The following PITPNM2 variants were observed in gnomAD, a reference collection of about 807,000 sequenced individuals.
The protein encoded by PITPNM2 is membrane-associated phosphatidylinositol transfer protein 2.
In PITPNM2, 35 loss-of-function variants were observed where a neutral mutation model predicts 132.2. The observed-to-expected ratio is 0.26, with a 90% CI of 0.20 to 0.35. The LOEUF (loss-of-function observed/expected upper bound fraction) is 0.35, where lower values mean the gene tolerates loss of function less well. Among genes scored for constraint, PITPNM2 ranks in the 10% least tolerant of loss-of-function variants. The pLI is 1.00. For missense variants in PITPNM2, 1,332 were observed against 1,912.0 expected, an observed-to-expected ratio of 0.70 and a Z score of 5.66; for synonymous variants, 738 against 799.2, an observed-to-expected ratio of 0.92 and a Z score of 1.29.
At chr12:123,113,786 T>C (rs910766750) in intron 1 of PITPNM2, among the ~76,000 whole-genome samples, 5 of 151,946 alleles carry the variant, frequency 3.3e-5, no homozygotes, top group Admixed American at 6.6e-5. Context: ...ATCACCACTA[T>C]CTGATACCAG....
Position 123,009,850 on chromosome 12 carries a change from C to T in PITPNM2, c.643G>A (p.Gly215Arg). 1 of 1,613,896 alleles carries T rather than the reference C, an allele frequency of 6.2e-7. No homozygotes were observed. The highest frequency in any genetic ancestry group is 8.5e-7 in the Non-Finnish European group (1 of 1,179,834). ...SKIERFIHDTGLRRVMVRAHR... is the reference protein window; with the variant it reads ...SKIERFIHDTRLRRVMVRAHR... ...GCCCACCTGGCATGGGTGTGCTCAC[C>T]GGTGTCGTGGATGAACCTCTCGATC... The change falls in exon 6 of 26, where the codon GGA (glycine) becomes AGA (arginine). Residue 215 changes from glycine (G) to arginine (R), a missense_variant and splice_region_variant. Physicochemically the swap from Gly to Arg is moderately radical, Grantham distance 125. Coordinates refer to ENST00000320201, the MANE Select transcript of PITPNM2 (RefSeq NM_020845.3). This position sits in a 1 kb window ranked among gnomAD's most constrained non-coding sequence, Gnocchi z 4.8.
At chr12:123,149,087 C>T (rs753159709) in intron 1 of PITPNM2, among the ~76,000 whole-genome samples, 8 of 152,174 alleles carry the variant, frequency 5.3e-5, no homozygotes, top group Non-Finnish European at 1.2e-4. Flanking sequence ...TTTCAGATTC[C>T]ATAAGGTGCA....
chr12:123,065,880 CT>C (rs1307733428), intron 2 of PITPNM2, among the ~76,000 whole-genome samples: 3 of 152,198 alleles, frequency 2.0e-5, no homozygotes, highest in African/African-American at 7.2e-5. Context: ...GGGGCACCCT[CT>C]GTCATCCTGG....
chr12:122,994,169 G>A lies in PITPNM2; in HGVS notation c.2233+632C>T, dbSNP rs1039497245. Among the ~76,000 whole-genome samples the A allele has an allele frequency of 3.3e-5, 5 of 152,198 alleles. No individual in the cohort carries two copies. Among genetic ancestry groups the A allele is most frequent in the Admixed American group, 1.3e-4 (2 of 15,280 alleles). ...ATTACAGGCGTGAGCCACCGCGCCC[G>A]GCCAGCTCTGCATTTTTAACCTGCA... On this transcript the variant is annotated intron_variant, in intron 15 of 25. Transcript: ENST00000320201. The surrounding 1 kb of genome is among the most constrained non-coding windows in gnomAD (Gnocchi z 5.4).
intron 1 of PITPNM2, among the ~76,000 whole-genome samples, chr12:123,138,700 C>G (rs2043435100): frequency 6.6e-6 from 1 of 152,158 alleles, no homozygotes; most frequent in South Asian, 2.1e-4. Flanking sequence ...TGGGGAGTGA[C>G]TGCCAATGGG....
At position 122,988,261 on chromosome 12, in the gene PITPNM2, C is replaced by T. The variant is rs774534324; in HGVS notation, c.2970G>A (p.Gln990=). 5.0e-6 allele frequency: 8 copies of T among 1,613,240 alleles called. No homozygotes were observed. In the South Asian group the frequency reaches 8.8e-5, roughly 18 times the overall value. ...FTPSKPREKW[Q]RKRTHVKLRN... is the part of the protein sequence containing the mutation. The stretch of plus-strand genomic sequence containing the variant: ...GCAGCTTCACGTGGGTCCGCTTGCG[C>T]TGCCACTTCTCCCTTGGCTTTGAGG... The change falls in exon 20 of 26, where the codon CAG becomes CAA. Residue 990 remains glutamine, a synonymous_variant. Coordinates refer to ENST00000320201, the MANE Select transcript of PITPNM2 (RefSeq NM_020845.3).
At chr12:123,124,299 G>T (rs1047193762) in intron 1 of PITPNM2, among the ~76,000 whole-genome samples, 1 of 152,032 alleles carries the variant, frequency 6.6e-6, no homozygotes, top group African/African-American at 2.4e-5. Flanking sequence ...AGGCATGGTG[G>T]TGTGCACCTG....
At chr12:123,065,397 C>T (rs1327709560) in intron 2 of PITPNM2, among the ~76,000 whole-genome samples, 1 of 152,188 alleles carries the variant, frequency 6.6e-6, no homozygotes, top group African/African-American at 2.4e-5. Context: ...CTGCCCAGAG[C>T]AGGTGCACAG....
chr12:123,080,744 G>T (rs959198234), intron 2 of PITPNM2, among the ~76,000 whole-genome samples: 2 of 152,352 alleles, frequency 1.3e-5, no homozygotes, highest in Admixed American at 1.3e-4. Flanking sequence ...GGCACTCACT[G>T]ACTACGTGAC....
intron 2 of PITPNM2, among the ~76,000 whole-genome samples, chr12:123,055,636 C>T (rs2040998729): frequency 6.6e-6 from 1 of 152,208 alleles, no homozygotes; most frequent in East Asian, 1.9e-4. Context: ...AATCACACAT[C>T]AGTAGACTTG....
In PITPNM2 at chr12:122,993,782, A is replaced by G. The variant is rs576721960; in HGVS notation, c.2233+1019T>C. ...CTGCCTTGGTTGTTGGGGTCCCCTT[A>G]AAGCTACCCATTTCTCTTCCTGGCA... On this transcript the variant is annotated intron_variant, in intron 15 of 25. Coordinates refer to ENST00000320201, the MANE Select transcript of PITPNM2 (RefSeq NM_020845.3). The surrounding 1 kb of genome is among the most constrained non-coding windows in gnomAD (Gnocchi z 5.2). 2.0e-5 allele frequency among the ~76,000 whole-genome samples: 3 copies of G among 152,352 alleles called. No individual in the cohort carries two copies. In the East Asian group the frequency reaches 5.8e-4, roughly 29 times the overall value.
chr12:122,991,834 G>A (rs1221740702), intron 16 of PITPNM2: 13 of 1,304,846 alleles, frequency 1.0e-5, no homozygotes, highest in South Asian at 3.0e-5. Flanking sequence ...AGCCGTCCCC[G>A]TGGGGGAGAG....
rs2136250968 is a variant in PITPNM2 at position 123,012,620 on chromosome 12, C to T, written c.408G>A (p.Leu136=). 1 of 1,614,062 alleles carries T rather than the reference C, an allele frequency of 6.2e-7. No individual in the cohort carries two copies. Among genetic ancestry groups the T allele is most frequent in the South Asian group, 1.1e-5 (1 of 91,070 alleles). ...TCTGCCCTTCCTGGTTACCGATTGT[C>T]AGCTGGTTCTTTTCCACAGGAGAGA... ...FNLSPVEKNQ[L]TIDFIDIVKD... is the part of the protein sequence containing the mutation. The change falls in exon 5 of 26, where the codon CTG becomes CTA. Residue 136 remains leucine, a synonymous_variant. Coordinates refer to ENST00000320201, the MANE Select transcript of PITPNM2 (RefSeq NM_020845.3).
At chr12:123,044,170 G>A (rs1398113036) in intron 2 of PITPNM2, among the ~76,000 whole-genome samples, 2 of 152,184 alleles carry the variant, frequency 1.3e-5, no homozygotes, top group African/African-American at 4.8e-5. Flanking sequence ...AGCAGTTAGG[G>A]TCTAAGCTGT....
chr12:122,988,005 G>T, intron 20 of PITPNM2, 104 bp from the exon 21 acceptor site: 1 of 1,086,456 alleles, frequency 9.2e-7, no homozygotes, highest in Non-Finnish European at 1.4e-6. Context: ...TGAGCTGTGA[G>T]CTGCGCAGCC....
intron 2 of PITPNM2, among the ~76,000 whole-genome samples, chr12:123,043,778 C>G (rs541722958): frequency 6.6e-6 from 1 of 152,348 alleles, no homozygotes; most frequent in South Asian, 2.1e-4. Flanking sequence ...TCCGAGAGGG[C>G]GCATCCTGCT....
At chr12:123,069,912 C>T (rs896959056) in intron 2 of PITPNM2, among the ~76,000 whole-genome samples, 3 of 152,176 alleles carry the variant, frequency 2.0e-5, no homozygotes, top group African/African-American at 4.8e-5. Context: ...CTGCCCTGAC[C>T]GTTTCCCAAG....
intron 1 of PITPNM2, among the ~76,000 whole-genome samples, chr12:123,127,931 G>A (rs1278129901): frequency 2.0e-5 from 3 of 151,998 alleles, no homozygotes; most frequent in Non-Finnish European, 4.4e-5. Flanking sequence ...CTAGCCTGTT[G>A]CATTGGCTTG....
chr12:123,026,680 G>A (rs2039872697), intron 3 of PITPNM2, among the ~76,000 whole-genome samples: 1 of 152,194 alleles, frequency 6.6e-6, no homozygotes, highest in Admixed American at 6.5e-5. Context: ...GGGTGGCTGC[G>A]CAGAAGCCCC....
Sources: allele counts gnomAD v4.1 joint callset (sites outside exome capture counted in the v4.1 genomes callset), GRCh38; gene constraint gnomAD v4.1.1; non-coding constraint Gnocchi (gnomAD v3.1); transcripts MANE v1.5; gene names NCBI Gene and HGNC (gene_info 2026-07-23, HGNC 2026-07-21).